The following DCHS2 variants were observed in gnomAD, a reference collection of about 807,000 sequenced individuals.
DCHS2 encodes protocadherin-23.
Under a neutral mutation model 182.4 loss-of-function variants are expected in DCHS2, and 142 were observed. The observed-to-expected ratio is 0.78, with a 90% CI of 0.68 to 0.89. DCHS2 has a LOEUF of 0.89. Among genes scored for constraint, DCHS2 ranks in the 40% least tolerant of loss-of-function variants. The pLI is 0.00. For missense variants in DCHS2, 4,319 were observed against 4,198.6 expected (o/e 1.03, Z -0.79); for synonymous variants, 1,740 against 1,663.3 (o/e 1.05, Z -1.12).
Position 154,333,082 on chromosome 4 carries a change from G to T in DCHS2, c.3126C>A (p.Gly1042=). The T allele has an allele frequency of 6.2e-7, 1 of 1,613,984 alleles. No homozygotes were observed. The highest frequency in any genetic ancestry group is 8.5e-7 in the Non-Finnish European group (1 of 1,179,958). Residue 1042 remains glycine, a synonymous_variant, in exon 5 of 20, where the codon GGC becomes GGA. Transcript: ENST00000357232. ...LGVLFLNGSL[G]AGEQRELTLT... is the part of the protein sequence containing the mutation. ...GCGTGAGCTCCCGCTGCTCGCCCGCGCCCAGGCTGCCGTTGAGGAACAGCA... is the reference window on the plus strand; with the variant it reads ...GCGTGAGCTCCCGCTGCTCGCCCGCTCCCAGGCTGCCGTTGAGGAACAGCA...
chr4:154,403,183 G>T (rs1221058524), intron 1 of DCHS2, among the ~76,000 whole-genome samples: 2 of 151,874 alleles, frequency 1.3e-5, no homozygotes, highest in South Asian at 4.1e-4. Flanking sequence ...TTCTGACAAG[G>T]ACCTTCATAT....
intron 2 of DCHS2, among the ~76,000 whole-genome samples, chr4:154,370,379 A>G (rs890425930): frequency 6.6e-6 from 1 of 152,168 alleles, no homozygotes; most frequent in African/African-American, 2.4e-5. Context: ...GGAGACCACT[A>G]TTTTAGGAGA....
intron 10 of DCHS2, among the ~76,000 whole-genome samples, chr4:154,308,329 A>T (rs1735532579): frequency 1.3e-5 from 2 of 152,098 alleles, no homozygotes. Flanking sequence ...AGTAAAAAAT[A>T]AAAGAAAAAT....
At chr4:154,335,656 G>A (rs1313318036) in intron 3 of DCHS2, among the ~76,000 whole-genome samples, 4 of 152,074 alleles carry the variant, frequency 2.6e-5, no homozygotes, top group Non-Finnish European at 5.9e-5. Context: ...AATTCCTTGT[G>A]ATCAGTCTCC....
Position 154,304,842 on chromosome 4 carries a change from C to A in DCHS2, c.5432G>T (p.Ser1811Ile). ...VRDGGFPSLS[S>I]TTTILCTVED... Reference sequence around the variant, plus strand: ...AACAGTGCAGAGGATTGTTGTGGTGCTGGACAATGAAGGGAATCCCCCATC... The same window carrying A: ...AACAGTGCAGAGGATTGTTGTGGTGATGGACAATGAAGGGAATCCCCCATC... Residue 1811 changes from serine to isoleucine, a missense_variant, in exon 12 of 20, where the codon AGC becomes ATC. Ser to Ile is a moderately radical substitution (Grantham distance 142, BLOSUM62 -2). Coordinates refer to ENST00000357232, the MANE Select transcript of DCHS2 (RefSeq NM_001358235.2). 1 of 1,613,244 alleles carries A rather than the reference C, an allele frequency of 6.2e-7. No individual in the cohort carries two copies.
At position 154,366,328 on chromosome 4, in the gene DCHS2, T is replaced by G; in HGVS notation, c.2358A>C (p.Pro786=). 6.2e-7 allele frequency: 1 copy of G among 1,613,674 alleles called. No homozygotes were observed. The highest frequency in any genetic ancestry group is 1.1e-5 in the South Asian group (1 of 91,036). ...YVTSISDETQ[P]GTEIINVLAT... ...CAAGAACATTGATGATCTCGGTGCC[T>G]GGCTGGGTCTCATCACTGATGCTCG... Residue 786 remains proline (P), a synonymous_variant, in exon 3 of 20, where the codon CCA becomes CCC. Coordinates refer to ENST00000357232, the MANE Select transcript of DCHS2 (RefSeq NM_001358235.2).
chr4:154,473,354 T>A (rs1735552201), intron 1 of DCHS2, among the ~76,000 whole-genome samples: 1 of 152,202 alleles, frequency 6.6e-6, no homozygotes, highest in Non-Finnish European at 1.5e-5. Flanking sequence ...ATCTGGTTGG[T>A]CATTCGGTCT....
intron 6 of DCHS2, among the ~76,000 whole-genome samples, chr4:154,329,261 C>A (rs1370244288): frequency 6.6e-6 from 1 of 152,144 alleles, no homozygotes; most frequent in Non-Finnish European, 1.5e-5. Context: ...CCTGAAGCAC[C>A]ATTCAGTTTG....
chr4:154,283,753 C>G (rs550006547), intron 13 of DCHS2, among the ~76,000 whole-genome samples: 3 of 152,310 alleles, frequency 2.0e-5, no homozygotes, highest in African/African-American at 7.2e-5. Context: ...ACTGCTGCTT[C>G]AGTGTTGGAT....
chr4:154,410,528 G>T (rs1194690201), intron 1 of DCHS2, among the ~76,000 whole-genome samples: 1 of 133,752 alleles, frequency 7.5e-6, no homozygotes, highest in Non-Finnish European at 1.5e-5. Flanking sequence ...GGGCACGGTG[G>T]CTCACACCTG....
rs1271418428 is a variant in DCHS2, at chr4:154,312,008, A to AAT, written c.5260+3738_5260+3739dup. Among the ~76,000 whole-genome samples, 5 of 151,848 alleles carry AAT rather than the reference A, an allele frequency of 3.3e-5. No individual in the cohort carries two copies. In the East Asian group the frequency reaches 7.7e-4, roughly 23 times the overall value. On this transcript the variant is annotated intron_variant, in intron 10 of 19. Coordinates refer to ENST00000357232, the MANE Select transcript of DCHS2 (RefSeq NM_001358235.2). Reference sequence around the variant, plus strand: ...AAATATATTTATAATAGAATTTTTTAATATATATATAGAGAAAATTTATAT... The same window carrying AAT: ...AAATATATTTATAATAGAATTTTTTAATATATATATATAGAGAAAATTTATAT...
intron 3 of DCHS2, 79 bp downstream of exon 3, chr4:154,366,131 T>C (rs763685961): frequency 1.2e-5 from 14 of 1,179,632 alleles, no homozygotes; most frequent in Non-Finnish European, 1.6e-5. Flanking sequence ...AAAAGTCACT[T>C]TTTCTAATTT....
intron 1 of DCHS2, among the ~76,000 whole-genome samples, chr4:154,460,884 A>G (rs1046880004): frequency 3.9e-5 from 6 of 152,204 alleles, no homozygotes; most frequent in African/African-American, 1.4e-4. Flanking sequence ...AGGGTAAAAT[A>G]TCTACAGAAC....
chr4:154,390,625 A>G (rs1731656057), intron 1 of DCHS2, among the ~76,000 whole-genome samples: 1 of 152,138 alleles, frequency 6.6e-6, no homozygotes, highest in East Asian at 1.9e-4. Context: ...CCAAGTTCTT[A>G]CTATATGACT....
At chr4:154,417,204 T>TGTGTGTGTGAGAGAGAGAGA (rs1560745908) in intron 1 of DCHS2, among the ~76,000 whole-genome samples, 1 of 39,510 alleles carries the variant, frequency 2.5e-5, no homozygotes, top group South Asian at 1.3e-3. Context: ...TGTGTGTGTG[T>TGTGTGTGTGAGAGAGAGAGA]GAGAGAGAGA....
rs182795048 is a variant in DCHS2, at chr4:154,447,089, C to T, written c.2052+42215G>A. Among the ~76,000 whole-genome samples, 49 of 152,074 alleles carry T rather than the reference C, an allele frequency of 3.2e-4. 1 individual carries two copies. In the East Asian group the frequency reaches 8.3e-3, roughly 26 times the overall value. On this transcript the variant is annotated intron_variant, in intron 1 of 19. Coordinates refer to ENST00000357232, the MANE Select transcript of DCHS2 (RefSeq NM_001358235.2). ...GGCAGATTACTTAAGGTCAGGAGTT[C>T]GAGACCAGCCTGAACAACACGGCGA...
intron 13 of DCHS2, among the ~76,000 whole-genome samples, chr4:154,277,433 G>C (rs188297610): frequency 6.6e-6 from 1 of 152,176 alleles, no homozygotes; most frequent in Admixed American, 6.5e-5. Flanking sequence ...AGACTACAAA[G>C]CCCCTCAGAA....
chr4:154,315,203 C>T (rs1433713204), intron 10 of DCHS2, among the ~76,000 whole-genome samples: 1 of 152,120 alleles, frequency 6.6e-6, no homozygotes, highest in East Asian at 1.9e-4. Flanking sequence ...TTCATTCATA[C>T]TCATAACAAA....
intron 1 of DCHS2, among the ~76,000 whole-genome samples, chr4:154,397,575 G>A (rs77603286): frequency 8.4e-4 from 128 of 152,178 alleles, no homozygotes; most frequent in Middle Eastern, 6.8e-3. Context: ...ACAAGATACC[G>A]TGTCCCTGGT....
Sources: allele counts gnomAD v4.1 joint callset (sites outside exome capture counted in the v4.1 genomes callset), GRCh38; gene constraint gnomAD v4.1.1; transcripts MANE v1.5; gene names NCBI Gene and HGNC (gene_info 2026-07-23, HGNC 2026-07-21).